LAMB4: variants seen among roughly 807,000 people sequenced by gnomAD.
The protein encoded by LAMB4 is laminin subunit beta 4.
A neutral mutation model predicts 199.2 loss-of-function variants in LAMB4; 196 were observed. The observed-to-expected ratio is 0.98, with a 90% CI of 0.88 to 1.11. The LOEUF (loss-of-function observed/expected upper bound fraction) is 1.11. LAMB4 is among the 50% of genes least tolerant of loss of function. The pLI is 0.00. For synonymous variants in LAMB4, 744 were observed against 770.6 expected (o/e 0.97, Z 0.57); for missense variants, 2,080 against 2,171.2 (o/e 0.96, Z 0.83).
intron 1 of LAMB4, among the ~76,000 whole-genome samples, chr7:108,124,417 G>A (rs993565230): frequency 1.3e-5 from 2 of 152,122 alleles, no homozygotes; most frequent in African/African-American, 4.8e-5. Context: ...ATGAGCCAAA[G>A]AGTATATGTG....
intron 25 of LAMB4, among the ~76,000 whole-genome samples, chr7:108,055,191 T>G (rs993989064): frequency 7.7e-4 from 90 of 116,996 alleles, no homozygotes; most frequent in African/African-American, 5.0e-3. Flanking sequence ...CCAGCTGTTT[T>G]TTTTTTTTTT....
At chr7:108,042,505 T>A (rs2035453264) in intron 29 of LAMB4, among the ~76,000 whole-genome samples, 1 of 152,014 alleles carries the variant, frequency 6.6e-6, no homozygotes, top group African/African-American at 2.4e-5. Context: ...GGTGCCTTCT[T>A]AGTTCAGCCT....
intron 18 of LAMB4, 148 bp from the exon 19 acceptor site, chr7:108,068,307 C>T (rs2036414937): frequency 1.2e-6 from 1 of 815,856 alleles, no homozygotes; most frequent in African/African-American, 1.7e-5. Context: ...AATATAGAAT[C>T]TGCCTTGTGG....
At chr7:108,062,057 AT>A (rs2036179483) in intron 23 of LAMB4, among the ~76,000 whole-genome samples, 1 of 152,284 alleles carries the variant, frequency 6.6e-6, no homozygotes, top group South Asian at 2.1e-4. Flanking sequence ...TAATGTGAAA[AT>A]TGTTTCAAAG....
Position 108,095,479 on chromosome 7 carries a change from G to A in LAMB4, c.1361-142C>T. The stretch of plus-strand genomic sequence containing the variant: ...TGCCAGGTTTATTGTGTGCCTGGCT[G>A]CGTGATTATTGTTTTGCATATAACC... On this transcript the variant is annotated intron_variant, in intron 11 of 33. Transcript: ENST00000388781. 4.7e-6 allele frequency: 3 copies of A among 639,760 alleles called. No individual in the cohort carries two copies. The South Asian group carries it at 5.7e-5, about 12-fold the overall frequency. 39.6% of individuals were successfully genotyped at this position (639,760 alleles called of 1,614,324 possible). A position where few individuals can be genotyped will look rare whatever the true frequency, so the allele number is the denominator to read the frequency against.
chr7:108,069,616 T>G (rs1299334869), intron 18 of LAMB4, 92 bp downstream of exon 18: 1 of 1,228,706 alleles, frequency 8.1e-7, no homozygotes, highest in Non-Finnish European at 1.2e-6. Context: ...TTGGTTGTTG[T>G]TTGGAGTGGA....
chr7:108,081,699 A>C (rs975235751), intron 14 of LAMB4, among the ~76,000 whole-genome samples: 6 of 152,142 alleles, frequency 3.9e-5, no homozygotes. Context: ...CCCTGGCATG[A>C]TGTAATGATA....
chr7:108,033,726 T>C (rs2035123206), intron 31 of LAMB4, among the ~76,000 whole-genome samples: 2 of 150,144 alleles, frequency 1.3e-5, no homozygotes, highest in Non-Finnish European at 3.0e-5. Context: ...GCATTTCTTT[T>C]GGATGAGTAT....
intron 4 of LAMB4, among the ~76,000 whole-genome samples, chr7:108,110,570 AG>A (rs2038187481): frequency 6.6e-6 from 1 of 152,154 alleles, no homozygotes; most frequent in African/African-American, 2.4e-5. Context: ...TTGCAGGCTG[AG>A]TGTCAAGGGT....
intron 28 of LAMB4, among the ~76,000 whole-genome samples, chr7:108,046,249 T>C (rs2035618600): frequency 6.6e-6 from 1 of 150,894 alleles, no homozygotes; most frequent in Admixed American, 6.6e-5. Context: ...TTTTTTTTTT[T>C]TTTTTTGTAT....
rs2034750828 is a variant in LAMB4, at chr7:108,024,044, T to G, written c.5281A>C (p.Ser1761Arg). ...CTTTTGCTCTTTAACTCTGCCTAGCTATAGCACCTAGCATATTTTTTTTCT... is the reference window on the plus strand; with the variant it reads ...CTTTTGCTCTTTAACTCTGCCTAGCGATAGCACCTAGCATATTTTTTTTCT... ...EQEKKYARCY[S>R] The change falls in exon 34 of 34, where the codon AGC becomes CGC. Residue 1761 changes from serine to arginine, a missense_variant. Ser to Arg is a moderately radical substitution (Grantham distance 110). Transcript: ENST00000388781. 6.2e-7 allele frequency: 1 copy of G among 1,607,994 alleles called. No individual in the cohort carries two copies. The highest frequency in any genetic ancestry group is 8.5e-7 in the Non-Finnish European group (1 of 1,178,368).
At chr7:108,047,113 T>A (rs2035653311) in intron 28 of LAMB4, among the ~76,000 whole-genome samples, 1 of 152,076 alleles carries the variant, frequency 6.6e-6, no homozygotes, top group South Asian at 2.1e-4. Context: ...TCTATGTAGG[T>A]TTTGCTGTAA....
At chr7:108,063,650 C>T in intron 22 of LAMB4, 111 bp downstream of exon 22, 1 of 949,264 alleles carries the variant, frequency 1.1e-6, no homozygotes, top group African/African-American at 1.6e-5. Context: ...GTGGGTGCTG[C>T]TTTTGCCTGC....
chr7:108,041,571 A>AAG (rs2035423628), intron 29 of LAMB4, among the ~76,000 whole-genome samples: 1 of 152,238 alleles, frequency 6.6e-6, no homozygotes, highest in Non-Finnish European at 1.5e-5. Context: ...GACATAAAAA[A>AAG]GAATGAGATC....
In LAMB4 at chr7:108,126,289, T is replaced by C. The variant is rs185222572; in HGVS notation, c.-33-3092A>G. On this transcript the variant is annotated intron_variant, in intron 1 of 33. Coordinates refer to ENST00000388781, the MANE Select transcript of LAMB4 (RefSeq NM_007356.3). Reference sequence around the variant, plus strand: ...ACCTGTACACTTCAGTAGTGTTAATTACATTTACATTGTGTGCAACCGATC... The same window carrying C: ...ACCTGTACACTTCAGTAGTGTTAATCACATTTACATTGTGTGCAACCGATC... Among the ~76,000 whole-genome samples, 3 of 152,302 alleles carry C rather than the reference T, an allele frequency of 2.0e-5. No homozygotes were observed. The East Asian group carries it at 5.8e-4, about 29-fold the overall frequency.
the LAMB4 span, among the ~76,000 whole-genome samples, chr7:108,015,958 T>C: frequency 6.6e-6 from 1 of 152,206 alleles, no homozygotes; most frequent in Non-Finnish European, 1.5e-5. Flanking sequence ...GCAGAATTAC[T>C]TCCTGTGAAA....
chr7:108,032,589 T>C (rs1207358208), intron 31 of LAMB4, among the ~76,000 whole-genome samples: 1 of 151,972 alleles, frequency 6.6e-6, no homozygotes, highest in Non-Finnish European at 1.5e-5. Flanking sequence ...TAGTATAAAT[T>C]CTAGCCCCAA....
Position 108,102,005 on chromosome 7 carries a change from G to C in LAMB4, c.1180+1039C>G, listed in dbSNP as rs379390. 2.6e-5 allele frequency among the ~76,000 whole-genome samples: 4 copies of C among 152,178 alleles called. No homozygotes were observed. The South Asian group carries it at 8.3e-4, about 32-fold the overall frequency. ...CCAGGAACTCCCATTTACTATTGGC[G>C]TGAGTGGCCATTGGCACACTCACTT... On this transcript the variant is annotated intron_variant, in intron 10 of 33. Coordinates refer to ENST00000388781, the MANE Select transcript of LAMB4 (RefSeq NM_007356.3).
At chr7:108,061,877 G>A (rs999687864) in intron 23 of LAMB4, among the ~76,000 whole-genome samples, 1 of 152,070 alleles carries the variant, frequency 6.6e-6, no homozygotes, top group Non-Finnish European at 1.5e-5. Flanking sequence ...TGAATAATAG[G>A]TTGAATAGTG....
Sources: gnomAD v4.1 joint callset for allele counts (sites outside exome capture counted in the v4.1 genomes callset) on GRCh38, gnomAD v4.1.1 for gene constraint, MANE v1.5 for transcripts, NCBI Gene and HGNC (gene_info 2026-07-23, HGNC 2026-07-21) for gene names.